Variants in TACC1 observed in about 807,000 individuals in gnomAD.
TACC1 encodes the protein transforming acidic coiled-coil containing protein 1.
In TACC1, 48 loss-of-function variants were observed where a neutral mutation model predicts 84.4. The observed-to-expected ratio is 0.57, with a 90% CI of 0.45 to 0.72. TACC1 has a LOEUF of 0.72. TACC1 is among the 30% of genes least tolerant of loss of function. The probability of loss-of-function intolerance (pLI) is 0.00; values close to 1 mark genes in which losing one functional copy is unlikely to be tolerated. For synonymous variants in TACC1, 372 were observed against 376.3 expected (o/e 0.99, Z 0.13); for missense variants, 920 against 973.0 (o/e 0.95, Z 0.72).
intron 9 of TACC1, among the ~76,000 whole-genome samples, chr8:38,842,078 C>G (rs553599352): frequency 1.3e-5 from 2 of 152,096 alleles, no homozygotes; most frequent in Admixed American, 1.3e-4. Context: ...CAGTAACAGC[C>G]CCCTCCCCGC....
intron 9 of TACC1, among the ~76,000 whole-genome samples, chr8:38,840,891 A>G (rs550610531): frequency 2.4e-4 from 37 of 152,124 alleles, no homozygotes; most frequent in Non-Finnish European, 4.9e-4. Context: ...CTCTACTAAT[A>G]ATACAAAATT....
chr8:38,757,196 C>G lies in TACC1; in HGVS notation c.26+11703C>G, dbSNP rs1376868706. On this transcript the variant is annotated intron_variant, in intron 3 of 14. Transcript: ENST00000518415. The stretch of plus-strand genomic sequence containing the variant: ...TCCCCGCTTTCCCAGCGGCGGGGAC[C>G]CTACGGCCGGGCGCCCCACCCCGCC... 1.8e-5 allele frequency: 16 copies of G among 885,220 alleles called. No homozygotes were observed. The South Asian group carries it at 2.9e-4, about 16-fold the overall frequency. 54.8% of individuals were successfully genotyped at this position (885,220 alleles called of 1,614,324 possible). A position where few individuals can be genotyped will look rare whatever the true frequency, so the allele number is the denominator to read the frequency against.
upstream of TACC1, chr8:38,785,762 A>T: frequency 1.0e-6 from 1 of 973,246 alleles, no homozygotes; most frequent in Non-Finnish European, 1.2e-6. Context: ...AAACTACAAC[A>T]GTTGGATAAG....
At chr8:38,816,653 G>C (rs1371835586) in intron 2 of TACC1, among the ~76,000 whole-genome samples, 2 of 152,118 alleles carry the variant, frequency 1.3e-5, no homozygotes, top group Non-Finnish European at 2.9e-5. Flanking sequence ...TACAACTCAG[G>C]AACTGTCAAA....
chr8:38,838,902 CTTT>C (rs1177445873), intron 8 of TACC1, among the ~76,000 whole-genome samples: 1 of 147,266 alleles, frequency 6.8e-6, no homozygotes, highest in African/African-American at 2.5e-5. Context: ...CATAATACTA[CTTT>C]TTTTTTTTTG....
chr8:38,728,827 A>C (rs941314838), intron 1 of TACC1: 2 of 152,286 alleles, frequency 1.3e-5, no homozygotes, highest in Non-Finnish European at 2.9e-5. Flanking sequence ...AAGTTCAGGC[A>C]TTCCTTTTCC....
rs1833118453 is a variant in TACC1, at chr8:38,851,762, T to C, written c.*3739T>C. 1 of 338,634 alleles carries C rather than the reference T, an allele frequency of 3.0e-6. No homozygotes were observed. Among genetic ancestry groups the C allele is most frequent in the African/African-American group, 2.1e-5 (1 of 46,530 alleles). 21.0% of individuals were successfully genotyped at this position (338,634 alleles called of 1,614,324 possible). A position where few individuals can be genotyped will look rare whatever the true frequency, so the allele number is the denominator to read the frequency against. On this transcript the variant is annotated 3_prime_UTR_variant, in exon 13 of 13. Coordinates refer to ENST00000317827, the MANE Select transcript of TACC1 (RefSeq NM_006283.3). Reference sequence around the variant, plus strand: ...ATTACATGATTCAAGCGAGGGATTTTAAAGTAAAGATGTATTTATTCTGAA... The same window carrying C: ...ATTACATGATTCAAGCGAGGGATTTCAAAGTAAAGATGTATTTATTCTGAA...
chr8:38,842,200 G>A, intron 9 of TACC1, 87 bp from the exon 10 acceptor site: 2 of 1,491,430 alleles, frequency 1.3e-6, no homozygotes, highest in African/African-American at 1.4e-5. Context: ...CCCCGGCTGT[G>A]TCCCTACCAC....
chr8:38,788,858 CA>C (rs1253943174), intron 2 of TACC1, 39 bp downstream of exon 2: 1 of 1,504,956 alleles, frequency 6.6e-7, no homozygotes, highest in Non-Finnish European at 9.0e-7. Flanking sequence ...TGTTTTGTTT[CA>C]AAAGTTTTGA....
At chr8:38,818,529 A>C (rs1490828356) in intron 2 of TACC1, among the ~76,000 whole-genome samples, 2 of 152,194 alleles carry the variant, frequency 1.3e-5, no homozygotes, top group Non-Finnish European at 2.9e-5. Flanking sequence ...TGATTTAGAG[A>C]ATTCCTGGTC....
At chr8:38,765,098 C>CA (rs60336247) in intron 3 of TACC1, among the ~76,000 whole-genome samples, 83 of 141,128 alleles carry the variant, frequency 5.9e-4, no homozygotes, top group Admixed American at 7.1e-4. Context: ...AACTCCGTCT[C>CA]AAAAAAAAAA....
chr8:38,761,835 G>T (rs1811262193), intron 3 of TACC1, among the ~76,000 whole-genome samples: 1 of 152,134 alleles, frequency 6.6e-6, no homozygotes, highest in African/African-American at 2.4e-5. Flanking sequence ...AAGACCCAGA[G>T]CAACCAGCCC....
chr8:38,807,238 G>C (rs1323914053), intron 2 of TACC1, among the ~76,000 whole-genome samples: 1 of 152,120 alleles, frequency 6.6e-6, no homozygotes, highest in African/African-American at 2.4e-5. Context: ...GAGGTGGAGA[G>C]GGCTGAAAAT....
At chr8:38,771,313 TG>T (rs758835560) in intron 3 of TACC1, among the ~76,000 whole-genome samples, 1 of 151,926 alleles carries the variant, frequency 6.6e-6, no homozygotes, top group African/African-American at 2.4e-5. Context: ...GAATTGAAGA[TG>T]GGGGGTGATG....
rs552954392 is a variant in TACC1, at chr8:38,794,207, G to T, written c.277+5388G>T. On this transcript the variant is annotated intron_variant, in intron 2 of 12. Coordinates refer to ENST00000317827, the MANE Select transcript of TACC1 (RefSeq NM_006283.3). ...ATTATTTAAAAAGGAAATTAGGGAA[G>T]AATGGGGAGAATATTGGAATCATTT... 1.3e-4 allele frequency among the ~76,000 whole-genome samples: 20 copies of T among 152,298 alleles called. No individual in the cohort carries two copies. The East Asian group carries it at 3.7e-3, about 28-fold the overall frequency.
intron 9 of TACC1, among the ~76,000 whole-genome samples, chr8:38,841,210 A>G (rs977419665): frequency 2.0e-5 from 3 of 152,222 alleles, no homozygotes; most frequent in African/African-American, 4.8e-5. Context: ...ATTCATTAAC[A>G]TTGAGCTCAC....
rs113668179 is a variant in TACC1 at position 38,838,382 on chromosome 8, G to A, written c.1840-88G>A. 4.7e-4 allele frequency: 408 copies of A among 869,158 alleles called. 1 individual carries two copies. The African/African-American group carries it at 6.0e-3, about 13-fold the overall frequency. The allele number at this position is 869,158 out of a possible 1,614,324, so 53.8% of individuals were successfully genotyped here. Reference sequence around the variant, plus strand: ...TTCTAATATAGATTGAACATCTTGGGTTAGACCTGGTTGTGTGCTATTTCA... The same window carrying A: ...TTCTAATATAGATTGAACATCTTGGATTAGACCTGGTTGTGTGCTATTTCA... On this transcript the variant is annotated intron_variant, in intron 7 of 12. Coordinates refer to ENST00000317827, the MANE Select transcript of TACC1 (RefSeq NM_006283.3).
intron 3 of TACC1, among the ~76,000 whole-genome samples, chr8:38,752,930 AACAGCAGGGTTGCCCATAACTT>A (rs1809311851): frequency 6.6e-6 from 1 of 152,108 alleles, no homozygotes; most frequent in African/African-American, 2.4e-5. Flanking sequence ...GGGGACAGAC[AACAGCAGGGTTGCCCATAACTT>A]ACAGCTGGCC....
intron 8 of TACC1, chr8:38,839,975 G>C (rs1830897790): frequency 1.1e-5 from 3 of 285,098 alleles, no homozygotes; most frequent in Non-Finnish European, 1.9e-5. Context: ...GAAGGCAGTT[G>C]GTTCTATAAG....
Sources: allele counts gnomAD v4.1 joint callset (sites outside exome capture counted in the v4.1 genomes callset), GRCh38; gene constraint gnomAD v4.1.1; transcripts MANE v1.5; gene names NCBI Gene and HGNC (gene_info 2026-07-23, HGNC 2026-07-21).